PCDHGB1: variants seen among roughly 807,000 people sequenced by gnomAD.
PCDHGB1 encodes protocadherin gamma-B1.
PCDHGB1 carries 34 observed loss-of-function variants against 56.6 expected under a neutral mutation model. The observed-to-expected ratio is 0.60, with a 90% CI of 0.46 to 0.80. The LOEUF (loss-of-function observed/expected upper bound fraction) is 0.80. PCDHGB1 is among the 30% of genes least tolerant of loss of function. The pLI is 0.00. For missense variants in PCDHGB1, 1,278 were observed against 1,204.6 expected (o/e 1.06, Z -0.90); for synonymous variants, 561 against 505.9 (o/e 1.11, Z -1.46).
intron 1 of PCDHGB1, chr5:141,393,422 G>A: frequency 6.2e-7 from 1 of 1,614,042 alleles, no homozygotes; most frequent in Non-Finnish European, 8.5e-7. Context: ...TGGACAGGGA[G>A]GAAGAGGCTG....
chr5:141,371,759 C>T (rs1768010775), intron 1 of PCDHGB1: 1 of 1,614,044 alleles, frequency 6.2e-7, no homozygotes, highest in Non-Finnish European at 8.5e-7. Context: ...TCCACCAGGC[C>T]TCCTACACCG....
intron 1 of PCDHGB1, chr5:141,413,515 G>C: frequency 6.2e-7 from 1 of 1,613,984 alleles, no homozygotes; most frequent in Non-Finnish European, 8.5e-7. Context: ...TAATATCCTT[G>C]TGGAAGACAG....
At chr5:141,427,444 G>T (rs1184893966) in intron 1 of PCDHGB1, 1 of 482,228 alleles carries the variant, frequency 2.1e-6, no homozygotes, top group South Asian at 1.5e-5. Flanking sequence ...ATAAACGAAA[G>T]AGTTCCTTTT....
At position 141,511,373 on chromosome 5, in the gene PCDHGB1, G is replaced by C. The variant is rs1361376059; in HGVS notation, c.*200G>C. 16 of 1,251,214 alleles carry C rather than the reference G, an allele frequency of 1.3e-5. No homozygotes were observed. Among genetic ancestry groups the C allele is most frequent in the Non-Finnish European group, 1.4e-5 (13 of 925,282 alleles). The allele number at this position is 1,251,214 out of a possible 1,614,324, so 77.5% of individuals were successfully genotyped here. A position where few individuals can be genotyped will look rare whatever the true frequency, so the allele number is the denominator to read the frequency against. ...CCCCCAGGGGGTTGAATATGCAAAAGCAGTTCCGCTGGGAACCCCCATCCA... is the reference window on the plus strand; with the variant it reads ...CCCCCAGGGGGTTGAATATGCAAAACCAGTTCCGCTGGGAACCCCCATCCA... On this transcript the variant is annotated 3_prime_UTR_variant, in exon 4 of 4. Transcript: ENST00000523390.
At chr5:141,363,378 T>C (rs1334101869) in intron 1 of PCDHGB1, among the ~76,000 whole-genome samples, 2 of 152,250 alleles carry the variant, frequency 1.3e-5, no homozygotes, top group Admixed American at 6.5e-5. Context: ...AAGAGGTTTT[T>C]CTATTTCTGT....
At chr5:141,503,263 C>T (rs2099818883) in intron 2 of PCDHGB1, among the ~76,000 whole-genome samples, 2 of 152,212 alleles carry the variant, frequency 1.3e-5, no homozygotes, top group South Asian at 4.2e-4. Context: ...GCCACAACCC[C>T]AGCACCTGGC....
intron 1 of PCDHGB1, chr5:141,361,161 T>C (rs1761911989): frequency 1.2e-6 from 2 of 1,613,838 alleles, no homozygotes; most frequent in African/African-American, 1.3e-5. Flanking sequence ...ATGACAACGA[T>C]TGTGCACCTG....
intron 1 of PCDHGB1, chr5:141,478,018 C>G: frequency 6.2e-7 from 1 of 1,614,124 alleles, no homozygotes; most frequent in Non-Finnish European, 8.5e-7. Flanking sequence ...CCCGTCCAGT[C>G]CAAGACACAG....
chr5:141,423,730 A>G, intron 1 of PCDHGB1: 1 of 831,022 alleles, frequency 1.2e-6, no homozygotes. Flanking sequence ...ATGTTTTTTG[A>G]GCCTGTTATG....
At position 141,476,418 on chromosome 5, in the gene PCDHGB1, T is replaced by G. The variant is rs201255025; in HGVS notation, c.2410-18389T>G. ...GATCGAGAGGAGCTGTGTGGGACAC[T>G]GCCCTCTTGCACTGTAACTCTGGAG... On this transcript the variant is annotated intron_variant, in intron 1 of 3. Transcript: ENST00000523390. This position sits in a 1 kb window ranked among gnomAD's most constrained non-coding sequence, Gnocchi z 7.6. 8 of 1,614,122 alleles carry G rather than the reference T, an allele frequency of 5.0e-6. No homozygotes were observed. The highest frequency in any genetic ancestry group is 1.6e-4 in the Middle Eastern group (1 of 6,062).
chr5:141,357,680 A>G (rs913716274), intron 1 of PCDHGB1: 1 of 1,580,188 alleles, frequency 6.3e-7, no homozygotes, highest in Non-Finnish European at 8.6e-7. Flanking sequence ...AGTTGTGTAA[A>G]TGTCTCTCAT....
intron 1 of PCDHGB1, chr5:141,415,483 A>G: frequency 6.2e-7 from 1 of 1,614,212 alleles, no homozygotes; most frequent in South Asian, 1.1e-5. Context: ...CTCGCGAAAG[A>G]GTCACCTGAT....
At chr5:141,464,009 T>C (rs1187492781) in intron 1 of PCDHGB1, among the ~76,000 whole-genome samples, 1 of 151,950 alleles carries the variant, frequency 6.6e-6, no homozygotes. Context: ...CTCATGCTTG[T>C]AATCCCACAC....
At position 141,423,654 on chromosome 5, in the gene PCDHGB1, T is replaced by C. The variant is rs768410507; in HGVS notation, c.2409+70985T>C. The C allele has an allele frequency of 6.3e-6, 10 of 1,583,982 alleles. No individual in the cohort carries two copies. The Admixed American group carries it at 1.8e-4, about 28-fold the overall frequency. ...TTTTAGGCAAATGTGACCCGACAAG[T>C]AATCAGGTGAGATTTATTTCTCTGC... On this transcript the variant is annotated intron_variant, in intron 1 of 3. Transcript: ENST00000523390.
chr5:141,391,198 C>T (rs2092314570), intron 1 of PCDHGB1: 1 of 152,156 alleles, frequency 6.6e-6, no homozygotes, highest in South Asian at 2.1e-4. Context: ...AAAATATATA[C>T]AAAATACCAA....
At chr5:141,454,203 T>C (rs981646952) in intron 1 of PCDHGB1, among the ~76,000 whole-genome samples, 2 of 152,148 alleles carry the variant, frequency 1.3e-5, no homozygotes, top group African/African-American at 4.8e-5. Flanking sequence ...GGTGAATTTA[T>C]TGACATGAAT....
chr5:141,433,358 C>CCTATCTAT (rs3074541), intron 1 of PCDHGB1: 29,853 of 503,480 alleles, frequency 0.059, 1,017 homozygotes, highest in East Asian at 0.071. Context: ...CTACTGTCTG[C>CCTATCTAT]CTATCTATCT....
In PCDHGB1 at chr5:141,432,452, C is replaced by T. The variant is rs780149710; in HGVS notation, c.2410-62355C>T. 3.7e-6 allele frequency: 6 copies of T among 1,614,094 alleles called. No homozygotes were observed. The highest frequency in any genetic ancestry group is 1.6e-4 in the Middle Eastern group (1 of 6,082). On this transcript the variant is annotated intron_variant, in intron 1 of 3. Coordinates refer to ENST00000523390, the MANE Select transcript of PCDHGB1 (RefSeq NM_018922.3). The surrounding 1 kb of genome is among the most constrained non-coding windows in gnomAD (Gnocchi z 6.0). ...CGACAATGCGCCCGAGATCCTGTACCCCGCCCTCCCCACGGACGGTTCCAC... is the reference window on the plus strand; with the variant it reads ...CGACAATGCGCCCGAGATCCTGTACTCCGCCCTCCCCACGGACGGTTCCAC...
intron 1 of PCDHGB1, among the ~76,000 whole-genome samples, chr5:141,494,392 A>C (rs1296077484): frequency 1.3e-5 from 2 of 152,258 alleles, no homozygotes; most frequent in East Asian, 3.9e-4. Flanking sequence ...GAGTTGAATA[A>C]ATTCATTCTA....
Sources: gnomAD v4.1 joint callset for allele counts (sites outside exome capture counted in the v4.1 genomes callset) on GRCh38, gnomAD v4.1.1 for gene constraint, Gnocchi (gnomAD v3.1) non-coding constraint, MANE v1.5 for transcripts, NCBI Gene and HGNC (gene_info 2026-07-23, HGNC 2026-07-21) for gene names.